The following C4orf54 variants were observed in gnomAD, a reference collection of about 807,000 sequenced individuals.
C4orf54 encodes the protein uncharacterized protein C4orf54.
Under a neutral mutation model 80.1 loss-of-function variants are expected in C4orf54, and 67 were observed. The observed-to-expected ratio is 0.84, with a 90% CI of 0.69 to 1.03. The LOEUF (loss-of-function observed/expected upper bound fraction) is 1.03. Ranked by LOEUF, C4orf54 falls within the 50% of genes least tolerant of loss-of-function variation. The pLI, the probability that C4orf54 is intolerant of heterozygous loss-of-function variation, is 0.00. For missense variants in C4orf54, 2,434 were observed against 2,253.5 expected, an observed-to-expected ratio of 1.08 and a Z score of -1.62; for synonymous variants, 1,000 against 917.0, an observed-to-expected ratio of 1.09 and a Z score of -1.64.
chr4:99,657,513 G>A lies in C4orf54; in HGVS notation c.-50C>T, dbSNP rs1011018361. ...TACTTACCTCCAAAGTATCTGTGTGGCTCCTTTACTGCTTTCTAGCTAAAT... is the reference window on the plus strand; with the variant it reads ...TACTTACCTCCAAAGTATCTGTGTGACTCCTTTACTGCTTTCTAGCTAAAT... On this transcript the variant is annotated 5_prime_UTR_variant, in exon 1 of 3. Transcript: ENST00000511828. 6.6e-6 allele frequency among the ~76,000 whole-genome samples: 1 copy of A among 152,168 alleles called. No homozygotes were observed. The highest frequency in any genetic ancestry group is 2.4e-5 in the African/African-American group (1 of 41,428).
chr4:99,651,846 T>C lies in C4orf54; in HGVS notation c.2803A>G (p.Ile935Val), dbSNP rs1196762653. 1.3e-6 allele frequency: 2 copies of C among 1,536,160 alleles called. No homozygotes were observed. The highest frequency in any genetic ancestry group is 1.7e-6 in the Non-Finnish European group (2 of 1,146,912). The change falls in exon 2 of 3, where the codon ATC becomes GTC. Residue 935 changes from isoleucine to valine, a missense_variant. Physicochemically the swap from Ile to Val is conservative, Grantham distance 29. Transcript: ENST00000511828. ...GCACTGTTCTGACTACGGAGGAAGA[T>C]GCCCTTGACGGTCTCTGAGGCACTC... ...KKSASETVKG[I>V]FLRSQNSAFR...
intron 1 of C4orf54, among the ~76,000 whole-genome samples, chr4:99,656,045 T>C (rs1726973328): frequency 6.6e-6 from 1 of 152,122 alleles, no homozygotes; most frequent in African/African-American, 2.4e-5. Context: ...CGTTATCCTC[T>C]CAACTCCTTT....
intron 2 of C4orf54, among the ~76,000 whole-genome samples, chr4:99,643,792 A>ACACACACACACACAC (rs61130907): frequency 2.0e-5 from 2 of 98,864 alleles, no homozygotes; most frequent in Non-Finnish European, 3.9e-5. Flanking sequence ...ACACACACAC[A>ACACACACACACACAC]CCCCCTCCGC....
In C4orf54 at chr4:99,653,346, T is replaced by C; in HGVS notation, c.1303A>G (p.Thr435Ala). The C allele has an allele frequency of 6.5e-7, 1 of 1,535,718 alleles. No homozygotes were observed. The highest frequency in any genetic ancestry group is 8.7e-7 in the Non-Finnish European group (1 of 1,146,432). Residue 435 changes from threonine to alanine, a missense_variant, in exon 2 of 3, where the codon ACC (threonine) becomes GCC (alanine). Physicochemically the swap from Thr to Ala is moderately conservative, Grantham distance 58 (BLOSUM62 0). Coordinates refer to ENST00000511828, the MANE Select transcript of C4orf54 (RefSeq NM_001354435.2). The stretch of plus-strand genomic sequence containing the variant: ...CGGGTGGTGTTGGTGCTGGGAGTGG[T>C]GCTGAGGTAGCAGCTGTTGTCGTCG... ...EDDDNSCYLS[T>A]TPSTNTTRTP...
In C4orf54 at chr4:99,649,447, A is replaced by C; in HGVS notation, c.5202T>G (p.Ser1734=). The part of the protein sequence containing the change: ...EAPYFMASGQ[S]PASSTSSAPA... ...GGGCTGAGGAGGTTGAGGAGGCCGG[A>C]GACTGACCAGAAGCCATGAAGTATG... Residue 1734 remains serine (S), a synonymous_variant, in exon 2 of 3, where the codon TCT becomes TCG. Coordinates refer to ENST00000511828, the MANE Select transcript of C4orf54 (RefSeq NM_001354435.2). The C allele has an allele frequency of 6.5e-7, 1 of 1,536,108 alleles. No individual in the cohort carries two copies. The highest frequency in any genetic ancestry group is 1.2e-5 in the South Asian group (1 of 84,056).
At position 99,651,336 on chromosome 4, in the gene C4orf54, C is replaced by T. The variant is rs1034049510; in HGVS notation, c.3313G>A (p.Val1105Met). Residue 1105 changes from valine to methionine, a missense_variant, in exon 2 of 3, where the codon GTG becomes ATG. By Grantham distance (21) the Val-to-Met change is conservative (BLOSUM62 1). Transcript: ENST00000511828. ...KSKAQGPLHQ[V>M]RDVRKLIKGS... Reference sequence around the variant, plus strand: ...TTAATTAGTTTCCTGACATCTCTCACCTGGTGGAGGGGGCCTTGAGCCTTG... The same window carrying T: ...TTAATTAGTTTCCTGACATCTCTCATCTGGTGGAGGGGGCCTTGAGCCTTG... 15 of 1,536,184 alleles carry T rather than the reference C, an allele frequency of 9.8e-6. No individual in the cohort carries two copies. Among genetic ancestry groups the T allele is most frequent in the Middle Eastern group, 1.7e-4 (1 of 5,990 alleles).
rs753634786 is a variant in C4orf54 at position 99,653,674 on chromosome 4, T to G, written c.975A>C (p.Ile325=). The change falls in exon 2 of 3, where the codon ATA becomes ATC. Residue 325 remains isoleucine (I), a synonymous_variant. Coordinates refer to ENST00000511828, the MANE Select transcript of C4orf54 (RefSeq NM_001354435.2). ...CTTTTCCTCCTCCCCCTCCTCCTGA[T>G]ATTTTCTCTCCTTCTCCTCCCACGG... ...CQAVGGEGEK[I]SGGGGGGKGG... is the part of the protein sequence containing the mutation. 1.3e-6 allele frequency: 2 copies of G among 1,523,842 alleles called. No homozygotes were observed. 94.4% of individuals were successfully genotyped at this position (1,523,842 alleles called of 1,614,324 possible).
rs60651888 is a variant in C4orf54 at position 99,648,554 on chromosome 4, A to AGTGTGTGTGTGTGT, written c.*36+663_*36+676dup. On this transcript the variant is annotated intron_variant, in intron 2 of 2. Transcript: ENST00000511828. ...ATCCTCCCTCCCCCATAGAGAACAA[A>AGTGTGTGTGTGTGT]GTGTGTGTGTGTGTGTGTGTGTGTG... Among the ~76,000 whole-genome samples, 193 of 145,834 alleles carry AGTGTGTGTGTGTGT rather than the reference A, an allele frequency of 1.3e-3. 2 individuals carry two copies. The highest frequency in any genetic ancestry group is 2.6e-3 in the African/African-American group (103 of 39,280).
Position 99,644,281 on chromosome 4 carries a change from GC to G in C4orf54, c.*37-3086del, listed in dbSNP as rs1423115302. 7.2e-5 allele frequency among the ~76,000 whole-genome samples: 11 copies of G among 152,174 alleles called. No homozygotes were observed. The South Asian group carries it at 2.3e-3, about 32-fold the overall frequency. ...TATACTAAATGATTAATACATACTA[GC>G]TTTTACTTTTAATTTCTTATTAATT... On this transcript the variant is annotated intron_variant, in intron 2 of 2. Coordinates refer to ENST00000511828, the MANE Select transcript of C4orf54 (RefSeq NM_001354435.2).
In C4orf54 at chr4:99,647,934, T is replaced by C. The variant is rs1010435193; in HGVS notation, c.*36+1297A>G. ...TAACTCCCGAATGAAGGCTCTTTCA[T>C]TGCACAAAGCAACAATATTCCTGTT... On this transcript the variant is annotated intron_variant, in intron 2 of 2. Coordinates refer to ENST00000511828, the MANE Select transcript of C4orf54 (RefSeq NM_001354435.2). Among the ~76,000 whole-genome samples the C allele has an allele frequency of 2.2e-4, 33 of 152,170 alleles. 1 individual carries two copies. The highest frequency in any genetic ancestry group is 2.9e-5 in the Non-Finnish European group (2 of 68,028).
chr4:99,637,075 A>T lies in C4orf54; in HGVS notation c.*4158T>A, dbSNP rs979640836. 6 of 152,152 alleles carry T rather than the reference A, an allele frequency of 3.9e-5. No homozygotes were observed. The highest frequency in any genetic ancestry group is 2.6e-4 in the Admixed American group (4 of 15,262). The allele number at this position is 152,152 out of a possible 1,614,324, so 9.4% of individuals were successfully genotyped here. A position where few individuals can be genotyped will look rare whatever the true frequency, so the allele number is the denominator to read the frequency against. ...AAACACACGTCTTCAAAGTGGGGAT[A>T]AAAAAAAGCATCACCTGCTATGGAT... On this transcript the variant is annotated 3_prime_UTR_variant, in exon 3 of 3. Transcript: ENST00000511828.
At position 99,651,535 on chromosome 4, in the gene C4orf54, C is replaced by T; in HGVS notation, c.3114G>A (p.Gln1038=). ...EIKIRLGSVQ[Q]PSSDFNIAKL... Reference sequence around the variant, plus strand: ...TGGCAATGTTGAAGTCTGAGCTCGGCTGCTGCACACTCCCCAGCCGGATCT... The same window carrying T: ...TGGCAATGTTGAAGTCTGAGCTCGGTTGCTGCACACTCCCCAGCCGGATCT... The change falls in exon 2 of 3, where the codon CAG becomes CAA. Residue 1038 remains glutamine (Q), a synonymous_variant. Transcript: ENST00000511828. The T allele has an allele frequency of 6.5e-7, 1 of 1,536,206 alleles. No individual in the cohort carries two copies. Among genetic ancestry groups the T allele is most frequent in the Non-Finnish European group, 8.7e-7 (1 of 1,146,918 alleles).
Position 99,653,664 on chromosome 4 carries a change from C to G in C4orf54, c.985G>C (p.Gly329Arg), listed in dbSNP as rs79703522. Residue 329 changes from glycine (G) to arginine (R), a missense_variant, in exon 2 of 3, where the codon GGG (glycine) becomes CGG (arginine). By Grantham distance (125) the Gly-to-Arg change is moderately radical. Coordinates refer to ENST00000511828, the MANE Select transcript of C4orf54 (RefSeq NM_001354435.2). Reference sequence around the variant, plus strand: ...CCCCCTCCTCCTTTTCCTCCTCCCCCTCCTCCTGATATTTTCTCTCCTTCT... The same window carrying G: ...CCCCCTCCTCCTTTTCCTCCTCCCCGTCCTCCTGATATTTTCTCTCCTTCT... ...GGEGEKISGG[G>R]GGGKGGGGGG... 0.18 allele frequency: 271,530 copies of G among 1,524,612 alleles called. 26,941 individuals are homozygous for G. The highest frequency in any genetic ancestry group is 0.45 in the East Asian group (18,269 of 40,780). The allele number at this position is 1,524,612 out of a possible 1,614,324, so 94.4% of individuals were successfully genotyped here. A position where few individuals can be genotyped will look rare whatever the true frequency, so the allele number is the denominator to read the frequency against.
Position 99,638,275 on chromosome 4 carries a change from T to A in C4orf54, c.*2958A>T, listed in dbSNP as rs1252380186. The A allele has an allele frequency of 6.6e-6, 1 of 152,166 alleles. No individual in the cohort carries two copies. Among genetic ancestry groups the A allele is most frequent in the Non-Finnish European group, 1.5e-5 (1 of 68,008 alleles). The allele number at this position is 152,166 out of a possible 1,614,324, so 9.4% of individuals were successfully genotyped here. A position where few individuals can be genotyped will look rare whatever the true frequency, so the allele number is the denominator to read the frequency against. On this transcript the variant is annotated 3_prime_UTR_variant, in exon 3 of 3. Coordinates refer to ENST00000511828, the MANE Select transcript of C4orf54 (RefSeq NM_001354435.2). ...CCTACATATCTGGGCCTTCACTTAA[T>A]CCTGAGGGCAACTTCATTGAGTACT...
Position 99,650,984 on chromosome 4 carries a change from A to G in C4orf54, c.3665T>C (p.Ile1222Thr), listed in dbSNP as rs1726810042. 3 of 1,535,860 alleles carry G rather than the reference A, an allele frequency of 2.0e-6. No homozygotes were observed. The highest frequency in any genetic ancestry group is 2.0e-5 in the Admixed American group (1 of 50,960). ...CTTCTGGGTGGAAGCCTTGGAGACA[A>G]TCTTGAGCACAGGCAGGTATGAGCC... The part of the protein sequence containing the change: ...EQGSYLPVLK[I>T]VSKASTQKTP... The change falls in exon 2 of 3, where the codon ATT becomes ACT. Residue 1222 changes from isoleucine (I) to threonine (T), a missense_variant. Physicochemically the swap from Ile to Thr is moderately conservative, Grantham distance 89 (BLOSUM62 -1). Coordinates refer to ENST00000511828, the MANE Select transcript of C4orf54 (RefSeq NM_001354435.2).
At position 99,651,891 on chromosome 4, in the gene C4orf54, C is replaced by T. The variant is rs1207949084; in HGVS notation, c.2758G>A (p.Glu920Lys). 1.3e-6 allele frequency: 2 copies of T among 1,536,154 alleles called. No individual in the cohort carries two copies. Among genetic ancestry groups the T allele is most frequent in the Non-Finnish European group, 1.7e-6 (2 of 1,146,910 alleles). Residue 920 changes from glutamate (E) to lysine (K), a missense_variant, in exon 2 of 3, where the codon GAA becomes AAA. Coordinates refer to ENST00000511828, the MANE Select transcript of C4orf54 (RefSeq NM_001354435.2). ...GCACTCTTTTTAATTTCACACACTT[C>T]TGTGTGTCCATCGGTGAAATTCCGG... is the stretch of plus-strand genomic sequence containing the variant. ...PGRNFTDGHT[E>K]VCEIKKSASE...
chr4:99,646,986 AC>A (rs1370969114), intron 2 of C4orf54, among the ~76,000 whole-genome samples: 2 of 152,312 alleles, frequency 1.3e-5, no homozygotes, highest in East Asian at 3.9e-4. Context: ...GGCTAAGTCA[AC>A]TTTTACCTGC....
chr4:99,649,844 T>G lies in C4orf54; in HGVS notation c.4805A>C (p.Gln1602Pro). Reference protein sequence around the residue: ...SAPVPTDPFQQAQPQQTQRKM... With the variant: ...SAPVPTDPFQPAQPQQTQRKM... ...ACGCTGGGTCTGTTGAGGCTGTGCC[T>G]GCTGGAAGGGGTCTGTGGGGACGGG... is the stretch of plus-strand genomic sequence containing the variant. Residue 1602 changes from glutamine to proline, a missense_variant, in exon 2 of 3, where the codon CAG becomes CCG. Gln to Pro is a moderately conservative substitution (Grantham distance 76, BLOSUM62 -1). Coordinates refer to ENST00000511828, the MANE Select transcript of C4orf54 (RefSeq NM_001354435.2). The G allele has an allele frequency of 6.5e-7, 1 of 1,533,662 alleles. No individual in the cohort carries two copies. The highest frequency in any genetic ancestry group is 8.7e-7 in the Non-Finnish European group (1 of 1,144,742).
rs1222742063 is a variant in C4orf54 at position 99,650,166 on chromosome 4, G to A, written c.4483C>T (p.Pro1495Ser). The A allele has an allele frequency of 2.6e-6, 4 of 1,535,968 alleles. No individual in the cohort carries two copies. The highest frequency in any genetic ancestry group is 2.6e-6 in the Non-Finnish European group (3 of 1,146,850). ...AGAGTGGCAGCTGAGGAGTTGGGGGGCCCCTCCCTGGAAGCCCCAGGCCTG... is the reference window on the plus strand; with the variant it reads ...AGAGTGGCAGCTGAGGAGTTGGGGGACCCCTCCCTGGAAGCCCCAGGCCTG... ...LSRPGASREG[P>S]PNSSAATLCS... The change falls in exon 2 of 3, where the codon CCC becomes TCC. Residue 1495 changes from proline (P) to serine (S), a missense_variant. Coordinates refer to ENST00000511828, the MANE Select transcript of C4orf54 (RefSeq NM_001354435.2).
Sources: allele counts gnomAD v4.1 joint callset (sites outside exome capture counted in the v4.1 genomes callset), GRCh38; gene constraint gnomAD v4.1.1; transcripts MANE v1.5; gene names NCBI Gene and HGNC (gene_info 2026-07-23, HGNC 2026-07-21).